The following BCR variants were observed in gnomAD, a reference collection of about 807,000 sequenced individuals.
BCR encodes the protein breakpoint cluster region protein.
BCR carries 58 observed loss-of-function variants against 138.6 expected under a neutral mutation model. The ratio of observed to expected loss-of-function variants is 0.42; its 90% CI spans 0.34 to 0.52. The LOEUF is 0.52. Ranked by LOEUF, BCR falls within the 20% of genes least tolerant of loss-of-function variation. The pLI is 0.06. For synonymous variants in BCR, 786 were observed against 730.1 expected (o/e 1.08, Z -1.23); for missense variants, 1,599 against 1,727.2 (o/e 0.93, Z 1.32).
In BCR at chr22:23,289,613, A is replaced by T. The variant is rs752530462; in HGVS notation, c.2699A>T (p.Asn900Ile). ...GTCCACAGCATTCCGCTGACCATCA[A>T]TAAGGAAGGTGGGCCCCCCCGTTTC... ...QTVHSIPLTI[N>I]KEDDESPGLY... The change falls in exon 13 of 23, where the codon AAT becomes ATT. Residue 900 changes from asparagine to isoleucine, a missense_variant. Asn to Ile is a moderately radical substitution (Grantham distance 149, BLOSUM62 -3). This residue lies in a region of BCR where 590 missense variants were observed against 762.4 expected (regional missense o/e 0.77). Coordinates refer to ENST00000305877, the MANE Select transcript of BCR (RefSeq NM_004327.4). 1 of 1,601,198 alleles carries T rather than the reference A, an allele frequency of 6.2e-7. No homozygotes were observed.
At chr22:23,285,237 G>A in intron 10 of BCR, 36 bp downstream of exon 10, 1 of 1,581,742 alleles carries the variant, frequency 6.3e-7, no homozygotes, top group Non-Finnish European at 8.6e-7. Flanking sequence ...GGTTTGGTGT[G>A]GTCAGAGTGG....
intron 6 of BCR, among the ~76,000 whole-genome samples, chr22:23,272,613 G>A (rs1049851740): frequency 6.6e-6 from 1 of 152,124 alleles, no homozygotes; most frequent in Non-Finnish European, 1.5e-5. Context: ...CAAACCAAGA[G>A]TTGTATTGGC....
chr22:23,279,798 A>T (rs2073622110), intron 8 of BCR, among the ~76,000 whole-genome samples: 1 of 152,202 alleles, frequency 6.6e-6, no homozygotes, highest in African/African-American at 2.4e-5. Flanking sequence ...TTCCTGGAGC[A>T]TGTCGTAGTC....
At chr22:23,272,457 G>A (rs2073520173) in intron 6 of BCR, among the ~76,000 whole-genome samples, 1 of 152,114 alleles carries the variant, frequency 6.6e-6, no homozygotes, top group East Asian at 1.9e-4. Flanking sequence ...TGCCTGGGAC[G>A]GGCCACACTC....
intron 16 of BCR, 54 bp downstream of exon 16, chr22:23,295,209 G>A: frequency 6.6e-7 from 1 of 1,509,770 alleles, no homozygotes; most frequent in Admixed American, 1.8e-5. Flanking sequence ...CCTTTTTCAT[G>A]CAGCCCCTGG....
chr22:23,258,021 C>T (rs751214788), intron 2 of BCR, among the ~76,000 whole-genome samples: 23 of 152,164 alleles, frequency 1.5e-4, no homozygotes, highest in Non-Finnish European at 2.4e-4. Context: ...GGCTCCCACC[C>T]GTGGAGTCAC....
intron 1 of BCR, among the ~76,000 whole-genome samples, chr22:23,197,984 A>C (rs2072502709): frequency 6.6e-6 from 1 of 152,106 alleles, no homozygotes; most frequent in Non-Finnish European, 1.5e-5. Flanking sequence ...GAGGAAGGAC[A>C]GAAGCGTGGG....
chr22:23,283,994 G>T lies in BCR; in HGVS notation c.2133G>T (p.Lys711Asn). The stretch of plus-strand genomic sequence containing the variant: ...GCCTGCAGCACCGGCAGCTGCTGAA[G>T]GACAGCTTCATGGTGGAGCTGGTGG... ...VKKGEHRQLL[K>N]DSFMVELVEG... is the part of the protein sequence containing the mutation. Residue 711 changes from lysine to asparagine, a missense_variant, in exon 9 of 23, where the codon AAG (lysine) becomes AAT (asparagine). Physicochemically the swap from Lys to Asn is moderately conservative, Grantham distance 94 (BLOSUM62 0). This residue lies in a region of BCR where 590 missense variants were observed against 762.4 expected (regional missense o/e 0.77). Coordinates refer to ENST00000305877, the MANE Select transcript of BCR (RefSeq NM_004327.4). The T allele has an allele frequency of 6.3e-7, 1 of 1,599,788 alleles. No individual in the cohort carries two copies. The highest frequency in any genetic ancestry group is 2.3e-5 in the East Asian group (1 of 44,240).
intron 4 of BCR, chr22:23,263,242 A>G (rs1315236421): frequency 9.6e-7 from 1 of 1,038,196 alleles, no homozygotes; most frequent in South Asian, 1.5e-5. Flanking sequence ...CTGCTGCTGC[A>G]CATGTGCTCC....
At chr22:23,249,287 C>T (rs994922820) in intron 1 of BCR, among the ~76,000 whole-genome samples, 6 of 152,064 alleles carry the variant, frequency 3.9e-5, no homozygotes, top group African/African-American at 1.2e-4. Context: ...AAAAAATTAG[C>T]CAGGCGTGGT....
At chr22:23,315,203 G>A (rs931848314) in intron 22 of BCR, among the ~76,000 whole-genome samples, 3 of 152,014 alleles carry the variant, frequency 2.0e-5, no homozygotes, top group Non-Finnish European at 4.4e-5. Context: ...CAGCCTGGGG[G>A]ACAGAGCAAG....
chr22:23,315,368 C>T, intron 22 of BCR, 65 bp from the exon 23 acceptor site: 2 of 1,489,758 alleles, frequency 1.3e-6, no homozygotes, highest in Middle Eastern at 1.8e-4. Context: ...GCCCCAAAGA[C>T]CTCCCACCAG....
At chr22:23,294,394 A>G (rs2073822965) in intron 15 of BCR, among the ~76,000 whole-genome samples, 1 of 152,214 alleles carries the variant, frequency 6.6e-6, no homozygotes, top group Non-Finnish European at 1.5e-5. Context: ...ATTATCTTTC[A>G]GAGTCCATAG....
chr22:23,314,149 C>G, intron 21 of BCR, 76 bp downstream of exon 21: 1 of 1,198,722 alleles, frequency 8.3e-7, no homozygotes, highest in East Asian at 2.3e-5. Flanking sequence ...CCCACTAGAC[C>G]CCCAACACCG....
At chr22:23,211,190 CTTT>C (rs1490600023) in intron 1 of BCR, among the ~76,000 whole-genome samples, 1 of 151,982 alleles carries the variant, frequency 6.6e-6, no homozygotes, top group African/African-American at 2.4e-5. Context: ...CTTAGAGCTT[CTTT>C]TTTTATTTGT....
chr22:23,227,059 T>C (rs1405683046), intron 1 of BCR, among the ~76,000 whole-genome samples: 1 of 151,950 alleles, frequency 6.6e-6, no homozygotes, highest in Admixed American at 6.6e-5. Flanking sequence ...CCTTAAGCTT[T>C]AAAAAAAATT....
intron 1 of BCR, among the ~76,000 whole-genome samples, chr22:23,252,758 C>A (rs981521728): frequency 1.3e-5 from 2 of 152,148 alleles, no homozygotes; most frequent in African/African-American, 4.8e-5. Flanking sequence ...AGCAACCCAA[C>A]CCCCCTGTAT....
intron 1 of BCR, among the ~76,000 whole-genome samples, chr22:23,229,120 C>T (rs534155797): frequency 6.6e-5 from 10 of 152,268 alleles, no homozygotes; most frequent in South Asian, 6.2e-4. Context: ...AGTTCACTGA[C>T]TCCATTGTCA....
intron 1 of BCR, among the ~76,000 whole-genome samples, chr22:23,252,842 T>C (rs1190357883): frequency 6.6e-6 from 1 of 152,196 alleles, no homozygotes; most frequent in African/African-American, 2.4e-5. Context: ...TAGGGGTTTT[T>C]CCCACACCAA....
Sources: allele counts gnomAD v4.1 joint callset (sites outside exome capture counted in the v4.1 genomes callset), GRCh38; gene constraint gnomAD v4.1.1; regional missense constraint gnomAD v4.1.1; transcripts MANE v1.5; gene names NCBI Gene and HGNC (gene_info 2026-07-23, HGNC 2026-07-21).